The following DIAPH3 variants were observed in gnomAD, a reference collection of about 807,000 sequenced individuals.
The protein encoded by DIAPH3 is diaphanous related formin 3, also known as protein diaphanous homolog 3.
A neutral mutation model predicts 144.3 loss-of-function variants in DIAPH3; 117 were observed. The ratio of observed to expected loss-of-function variants is 0.81; its 90% CI spans 0.70 to 0.95. The LOEUF is 0.95. Among genes scored for constraint, DIAPH3 ranks in the 40% least tolerant of loss-of-function variants. The probability of loss-of-function intolerance (pLI) is 0.00; values close to 1 mark genes in which losing one functional copy is unlikely to be tolerated. For missense variants in DIAPH3, 1,421 were observed against 1,412.7 expected (o/e 1.01, Z -0.09); for synonymous variants, 519 against 488.9 (o/e 1.06, Z -0.81).
At chr13:59,809,691 A>G (rs2040374370) in intron 25 of DIAPH3, among the ~76,000 whole-genome samples, 1 of 152,152 alleles carries the variant, frequency 6.6e-6, no homozygotes, top group Admixed American at 6.5e-5. Flanking sequence ...TAAACAAGAA[A>G]TTGTGCTTAG....
intron 4 of DIAPH3, among the ~76,000 whole-genome samples, chr13:60,087,457 C>A (rs1566755875): frequency 1.3e-5 from 2 of 152,092 alleles, no homozygotes; most frequent in Admixed American, 1.3e-4. Flanking sequence ...ACACAAGAAA[C>A]TATAATTCTA....
intron 1 of DIAPH3, 40 bp downstream of exon 1, chr13:60,163,547 G>T: frequency 3.2e-6 from 5 of 1,567,762 alleles, no homozygotes; most frequent in Non-Finnish European, 4.3e-6. Flanking sequence ...CCCTACGGCG[G>T]GGCGGGAGCG....
chr13:59,774,324 C>A, intron 26 of DIAPH3, 76 bp from the exon 27 acceptor site: 1 of 1,251,936 alleles, frequency 8.0e-7, no homozygotes, highest in South Asian at 1.4e-5. Context: ...ATTAGACATA[C>A]TTTTTTCCAA....
At chr13:60,041,176 G>A (rs1319456553) in intron 5 of DIAPH3, among the ~76,000 whole-genome samples, 1 of 151,804 alleles carries the variant, frequency 6.6e-6, no homozygotes, top group Non-Finnish European at 1.5e-5. Flanking sequence ...AGATTAAGCT[G>A]GACACCAAAG....
In DIAPH3 at chr13:59,669,520, G is replaced by C. The variant is rs150954322; in HGVS notation, c.3320-2674C>G. Among the ~76,000 whole-genome samples, 134 of 152,258 alleles carry C rather than the reference G, an allele frequency of 8.8e-4. 1 individual carries two copies. The highest frequency in any genetic ancestry group is 3.1e-3 in the African/African-American group (128 of 41,548). On this transcript the variant is annotated intron_variant, in intron 27 of 27. Coordinates refer to ENST00000400324, the MANE Select transcript of DIAPH3 (RefSeq NM_001042517.2). ...ATACATCCGCCCCTCCTGTTAGGATGAATCAACCTTCCGAGCTCCCCTCTG... is the reference window on the plus strand; with the variant it reads ...ATACATCCGCCCCTCCTGTTAGGATCAATCAACCTTCCGAGCTCCCCTCTG...
At chr13:60,056,222 A>G (rs1357738025) in intron 4 of DIAPH3, among the ~76,000 whole-genome samples, 1 of 149,214 alleles carries the variant, frequency 6.7e-6, no homozygotes, top group Non-Finnish European at 1.5e-5. Flanking sequence ...TCTATTTTAT[A>G]TGTTATATAT....
intron 4 of DIAPH3, among the ~76,000 whole-genome samples, chr13:60,088,859 T>C (rs1337281317): frequency 6.6e-6 from 1 of 152,158 alleles, no homozygotes; most frequent in East Asian, 1.9e-4. Context: ...TGACCTCAAA[T>C]GATCCACCCG....
At chr13:60,027,222 C>G (rs541130506) in intron 5 of DIAPH3, among the ~76,000 whole-genome samples, 2 of 152,300 alleles carry the variant, frequency 1.3e-5, no homozygotes, top group South Asian at 4.1e-4. Context: ...AAACATACAC[C>G]TACATGCCAT....
intron 1 of DIAPH3, among the ~76,000 whole-genome samples, chr13:60,141,619 A>G (rs1448642557): frequency 1.3e-5 from 2 of 152,270 alleles, no homozygotes; most frequent in East Asian, 3.8e-4. Flanking sequence ...CTTCTAACAG[A>G]ATGAAAGATT....
chr13:60,051,654 G>A (rs937513483), intron 4 of DIAPH3, among the ~76,000 whole-genome samples: 1 of 152,016 alleles, frequency 6.6e-6, no homozygotes, highest in African/African-American at 2.4e-5. Flanking sequence ...TTGAGTAGAT[G>A]ACAGAGGATG....
chr13:59,942,564 T>C (rs1468420130), intron 17 of DIAPH3, among the ~76,000 whole-genome samples: 3 of 152,118 alleles, frequency 2.0e-5, no homozygotes, highest in Non-Finnish European at 4.4e-5. Context: ...AATATAGAAG[T>C]ACAATTTTTA....
intron 19 of DIAPH3, among the ~76,000 whole-genome samples, 156 bp from the exon 20 acceptor site, chr13:59,911,992 T>TG (rs2047016860): frequency 6.6e-6 from 1 of 152,180 alleles, no homozygotes; most frequent in Admixed American, 6.5e-5. Context: ...CAAAATTCCC[T>TG]GCATCTTGAA....
intron 27 of DIAPH3, among the ~76,000 whole-genome samples, chr13:59,750,968 CAT>C (rs2036977896): frequency 6.6e-6 from 1 of 152,230 alleles, no homozygotes; most frequent in Non-Finnish European, 1.5e-5. Context: ...CTTCTGCCCA[CAT>C]AGTGGCACTG....
intron 27 of DIAPH3, among the ~76,000 whole-genome samples, chr13:59,681,280 G>A (rs1261733983): frequency 1.3e-5 from 2 of 152,126 alleles, no homozygotes; most frequent in Non-Finnish European, 2.9e-5. Flanking sequence ...AGATCAGCCT[G>A]GGCAATATAG....
intron 1 of DIAPH3, among the ~76,000 whole-genome samples, chr13:60,161,715 A>C (rs1178390359): frequency 5.3e-5 from 8 of 152,258 alleles, no homozygotes; most frequent in African/African-American, 1.7e-4. Context: ...TAGACAGCCC[A>C]GGTTGCAAAC....
chr13:59,799,268 G>A (rs1004616469), intron 25 of DIAPH3, among the ~76,000 whole-genome samples: 2 of 151,964 alleles, frequency 1.3e-5, no homozygotes, highest in African/African-American at 4.8e-5. Flanking sequence ...ACAGAAGGGT[G>A]GCCGAAGCTG....
At position 59,758,038 on chromosome 13, in the gene DIAPH3, A is replaced by G. The variant is rs538497644; in HGVS notation, c.3319+16151T>C. Among the ~76,000 whole-genome samples, 4 of 152,360 alleles carry G rather than the reference A, an allele frequency of 2.6e-5. 1 individual carries two copies. Among genetic ancestry groups the G allele is most frequent in the African/African-American group, 9.6e-5 (4 of 41,588 alleles). ...AAGCCTATGAAAAGGTACTCATATT[A>G]TCCATAGAAGAAATGCAAATCAAAA... On this transcript the variant is annotated intron_variant, in intron 27 of 27. Coordinates refer to ENST00000400324, the MANE Select transcript of DIAPH3 (RefSeq NM_001042517.2).
At chr13:59,743,366 G>A (rs2036557408) in intron 27 of DIAPH3, among the ~76,000 whole-genome samples, 1 of 152,124 alleles carries the variant, frequency 6.6e-6, no homozygotes, top group South Asian at 2.1e-4. Context: ...TGACAAATGT[G>A]GTATGTATGT....
chr13:60,148,389 T>C (rs1248386033), intron 1 of DIAPH3, among the ~76,000 whole-genome samples: 1 of 152,148 alleles, frequency 6.6e-6, no homozygotes, highest in Non-Finnish European at 1.5e-5. Flanking sequence ...ATTACACAAA[T>C]TAAAAATTCA....
Sources: gnomAD v4.1 joint callset for allele counts (sites outside exome capture counted in the v4.1 genomes callset) on GRCh38, gnomAD v4.1.1 for gene constraint, MANE v1.5 for transcripts, NCBI Gene and HGNC (gene_info 2026-07-23, HGNC 2026-07-21) for gene names.